RGS6: variants seen among roughly 807,000 people sequenced by gnomAD.
RGS6 encodes regulator of G protein signaling 6, also known as regulator of G-protein signaling 6.
RGS6 carries 30 observed loss-of-function variants against 78.5 expected under a neutral mutation model. The observed-to-expected ratio is 0.38, with a 90% confidence interval of 0.29 to 0.52. RGS6 has a LOEUF of 0.52. RGS6 is among the 20% of genes least tolerant of loss of function. The probability of loss-of-function intolerance (pLI) is 0.85; values close to 1 mark genes in which losing one functional copy is unlikely to be tolerated. For missense variants in RGS6, 495 were observed against 609.7 expected (o/e 0.81, Z 1.98); for synonymous variants, 206 against 206.0 (o/e 1.00, Z 0.00).
At chr14:72,103,279 G>C (rs1359810357) in intron 2 of RGS6, among the ~76,000 whole-genome samples, 2 of 152,130 alleles carry the variant, frequency 1.3e-5, no homozygotes, top group South Asian at 2.1e-4. Flanking sequence ...GGATATCTGA[G>C]TGTCAAATCT....
At chr14:72,298,258 G>A (rs146684935) in intron 2 of RGS6, among the ~76,000 whole-genome samples, 2 of 151,776 alleles carry the variant, frequency 1.3e-5, no homozygotes, top group African/African-American at 4.8e-5. Context: ...CTATTAATAT[G>A]TTGAATTATA....
Position 71,939,102 on chromosome 14 carries a change from C to A in RGS6, c.-21+6161C>A, listed in dbSNP as rs1333109555. On this transcript the variant is annotated intron_variant, in intron 1 of 17. Transcript: ENST00000553525. ...ACCCCACTCAAAACTGGCAGCCTTT[C>A]GGGTCACTCAATAAATGGGCCGGAG... Among the ~76,000 whole-genome samples the A allele has an allele frequency of 2.0e-5, 3 of 152,158 alleles. No individual in the cohort carries two copies. The East Asian group carries it at 5.8e-4, about 29-fold the overall frequency.
intron 8 of RGS6, among the ~76,000 whole-genome samples, chr14:72,471,928 A>C (rs2096087460): frequency 6.6e-6 from 1 of 152,222 alleles, no homozygotes; most frequent in Non-Finnish European, 1.5e-5. Context: ...CAGAGGGGAA[A>C]TTGTTACTTC....
intron 13 of RGS6, among the ~76,000 whole-genome samples, chr14:72,507,431 T>C (rs962892645): frequency 1.3e-5 from 2 of 152,214 alleles, no homozygotes; most frequent in Non-Finnish European, 2.9e-5. Context: ...CCACCCAGTT[T>C]GTTAGTCCTT....
chr14:71,918,105 C>T, the RGS6 span, among the ~76,000 whole-genome samples: 9 of 137,234 alleles, frequency 6.6e-5, no homozygotes, highest in Non-Finnish European at 1.4e-4. Context: ...GGCGTGAACC[C>T]GGGGGGCGGA....
At chr14:72,404,947 G>A (rs887976848) in intron 3 of RGS6, among the ~76,000 whole-genome samples, 4 of 152,200 alleles carry the variant, frequency 2.6e-5, no homozygotes, top group African/African-American at 7.2e-5. Flanking sequence ...AGGATGAAGA[G>A]TAGTGAGAGG....
chr14:72,540,015 C>T (rs2153507482), intron 16 of RGS6, 26 bp from the exon 17 acceptor site: 2 of 1,536,740 alleles, frequency 1.3e-6, no homozygotes, highest in Non-Finnish European at 1.7e-6. Flanking sequence ...TATTTTTCTC[C>T]CTACCCTTTT....
intron 2 of RGS6, among the ~76,000 whole-genome samples, chr14:72,277,253 AT>A (rs1265135720): frequency 2.6e-5 from 4 of 152,174 alleles, no homozygotes; most frequent in African/African-American, 9.7e-5. Flanking sequence ...ATGCTCATTG[AT>A]GTTTACTATG....
chr14:72,444,552 C>A (rs1452313057), intron 3 of RGS6, among the ~76,000 whole-genome samples: 1 of 152,194 alleles, frequency 6.6e-6, no homozygotes, highest in Non-Finnish European at 1.5e-5. Flanking sequence ...ATGAGCCCAT[C>A]CTTTCTCGGT....
intron 17 of RGS6, among the ~76,000 whole-genome samples, chr14:72,555,494 T>C (rs374579603): frequency 1.3e-4 from 20 of 152,344 alleles, no homozygotes; most frequent in East Asian, 5.8e-4. Flanking sequence ...TTAAGTTCTT[T>C]TCTCAGGGAA....
the RGS6 span, among the ~76,000 whole-genome samples, chr14:72,622,054 GC>G: frequency 2.0e-5 from 3 of 152,300 alleles, no homozygotes; most frequent in South Asian, 6.2e-4. Flanking sequence ...AGGAGAGGAA[GC>G]CCAGAATGTG....
intron 2 of RGS6, among the ~76,000 whole-genome samples, chr14:72,264,706 T>G (rs1283441396): frequency 6.6e-6 from 1 of 152,230 alleles, no homozygotes; most frequent in Non-Finnish European, 1.5e-5. Flanking sequence ...TGTTTACCAC[T>G]TAGAATCATG....
At chr14:72,526,255 C>T (rs1003914254) in intron 15 of RGS6, among the ~76,000 whole-genome samples, 1 of 144,144 alleles carries the variant, frequency 6.9e-6, no homozygotes, top group African/African-American at 2.6e-5. Context: ...AGGTACCTGC[C>T]ACCACGCCCA....
chr14:72,150,209 G>A (rs1444278558), intron 2 of RGS6, among the ~76,000 whole-genome samples: 5 of 152,154 alleles, frequency 3.3e-5, no homozygotes, highest in Non-Finnish European at 7.4e-5. Flanking sequence ...ACAAAGCAAA[G>A]AAGCCCATGG....
chr14:71,895,783 G>A, the RGS6 span, among the ~76,000 whole-genome samples: 12 of 152,324 alleles, frequency 7.9e-5, no homozygotes, highest in South Asian at 2.5e-3. Flanking sequence ...GGCAAGAGAA[G>A]GGAGCTGGTG....
chr14:72,107,708 A>G (rs1001278068), intron 2 of RGS6, among the ~76,000 whole-genome samples: 6 of 152,250 alleles, frequency 3.9e-5, no homozygotes, highest in Non-Finnish European at 8.8e-5. Context: ...GATATTTCCA[A>G]TTCAGGACTA....
intron 1 of RGS6, among the ~76,000 whole-genome samples, chr14:71,948,268 CT>C (rs771078111): frequency 6.6e-6 from 1 of 152,170 alleles, no homozygotes; most frequent in Non-Finnish European, 1.5e-5. Flanking sequence ...CAGGGAAGGA[CT>C]TTGGTCCTGA....
At chr14:72,429,566 T>C (rs2094548281) in intron 3 of RGS6, among the ~76,000 whole-genome samples, 2 of 152,026 alleles carry the variant, frequency 1.3e-5, no homozygotes, top group South Asian at 4.2e-4. Flanking sequence ...GAATGGGAAT[T>C]TGAGGAGAAA....
intron 2 of RGS6, among the ~76,000 whole-genome samples, chr14:72,118,914 CT>C (rs1255102998): frequency 2.0e-5 from 3 of 152,108 alleles, no homozygotes; most frequent in African/African-American, 7.2e-5. Flanking sequence ...CTAAAGTTTC[CT>C]TTTTCCCAAA....
Sources: allele counts gnomAD v4.1 joint callset (sites outside exome capture counted in the v4.1 genomes callset), GRCh38; gene constraint gnomAD v4.1.1; transcripts MANE v1.5; gene names NCBI Gene and HGNC (gene_info 2026-07-23, HGNC 2026-07-21).